Variants in TMEM245 observed in about 807,000 individuals in gnomAD.
TMEM245 encodes the protein protein CG-2.
TMEM245 carries 69 observed loss-of-function variants against 101.2 expected under a neutral mutation model. That is an observed-to-expected ratio of 0.68 (90% CI 0.56 to 0.83). The LOEUF is 0.83. Ranked by LOEUF, TMEM245 falls within the 40% of genes least tolerant of loss-of-function variation. The pLI is 0.00. For synonymous variants in TMEM245, 537 were observed against 449.8 expected, an observed-to-expected ratio of 1.19 and a Z score of -2.45; for missense variants, 1,075 against 1,092.8, an observed-to-expected ratio of 0.98 and a Z score of 0.23.
intron 1 of TMEM245, among the ~76,000 whole-genome samples, chr9:109,115,623 C>T (rs1193738057): frequency 2.0e-5 from 3 of 148,960 alleles, no homozygotes; most frequent in South Asian, 2.1e-4. Context: ...CTCTGCCTCC[C>T]GGTTTCAAGC....
intron 17 of TMEM245, among the ~76,000 whole-genome samples, chr9:109,030,627 G>C (rs1347141312): frequency 6.6e-6 from 1 of 152,150 alleles, no homozygotes; most frequent in Non-Finnish European, 1.5e-5. Context: ...GGCTTCTCAG[G>C]TATCTGAGCA....
intron 7 of TMEM245, among the ~76,000 whole-genome samples, chr9:109,084,951 C>A (rs1470873325): frequency 2.6e-5 from 4 of 152,156 alleles, no homozygotes; most frequent in African/African-American, 9.7e-5. Flanking sequence ...CCTAACCCAT[C>A]CAAAAGTCTC....
intron 9 of TMEM245, 35 bp from the exon 10 acceptor site, chr9:109,064,602 C>T: frequency 6.3e-7 from 1 of 1,579,600 alleles, no homozygotes; most frequent in Non-Finnish European, 8.7e-7. Flanking sequence ...GAAAAAAGTA[C>T]ACTTTCTGTG....
At chr9:109,102,810 G>T (rs1234926359) in intron 3 of TMEM245, among the ~76,000 whole-genome samples, 3 of 152,188 alleles carry the variant, frequency 2.0e-5, no homozygotes, top group African/African-American at 7.2e-5. Context: ...ATCTGCTCTT[G>T]GAGTTTATTA....
Position 109,031,049 on chromosome 9 carries a change from A to G in TMEM245, c.2594+2258T>C, listed in dbSNP as rs77663584. Among the ~76,000 whole-genome samples the G allele has an allele frequency of 5.3e-3, 809 of 152,356 alleles. 8 individuals are homozygous for G. The highest frequency in any genetic ancestry group is 0.019 in the African/African-American group (775 of 41,574). On this transcript the variant is annotated intron_variant, in intron 17 of 17. Coordinates refer to ENST00000374586, the MANE Select transcript of TMEM245 (RefSeq NM_032012.4). ...TTTCCAATTGCAGATAACAAGGAGA[A>G]TGCCATATAGTTTCCGGAAAGTTCA...
chr9:109,049,857 T>C (rs1828619142), intron 14 of TMEM245, among the ~76,000 whole-genome samples: 2 of 152,244 alleles, frequency 1.3e-5, no homozygotes, highest in Admixed American at 1.3e-4. Context: ...CGCAGTGGCG[T>C]GATCACAGCT....
chr9:109,037,769 T>C (rs1344042902), intron 15 of TMEM245, among the ~76,000 whole-genome samples: 1 of 152,240 alleles, frequency 6.6e-6, no homozygotes, highest in Admixed American at 6.5e-5. Context: ...TATTTCTTTA[T>C]AGCAGTGAGA....
chr9:109,109,226 C>T (rs1830506337), intron 1 of TMEM245, among the ~76,000 whole-genome samples: 1 of 152,182 alleles, frequency 6.6e-6, no homozygotes, highest in South Asian at 2.1e-4. Context: ...AGCCAGGATA[C>T]CCTCTTCAGT....
Position 109,057,327 on chromosome 9 carries a change from G to A in TMEM245, c.1723-5C>T. 6.2e-7 allele frequency: 1 copy of A among 1,611,744 alleles called. No individual in the cohort carries two copies. Among genetic ancestry groups the A allele is most frequent in the Non-Finnish European group, 8.5e-7 (1 of 1,178,882 alleles). Reference sequence around the variant, plus strand: ...CCTTCCAGAGTGTGTTACATTCTATGGAATAAAACAGTGCAGACATGAAAT... The same window carrying A: ...CCTTCCAGAGTGTGTTACATTCTATAGAATAAAACAGTGCAGACATGAAAT... On this transcript the variant is annotated splice_polypyrimidine_tract_variant and splice_region_variant and intron_variant, in intron 11 of 17. Coordinates refer to ENST00000374586, the MANE Select transcript of TMEM245 (RefSeq NM_032012.4).
chr9:109,087,040 T>G lies in TMEM245; in HGVS notation c.1320+133A>C, dbSNP rs1055760645. 7.7e-6 allele frequency: 6 copies of G among 777,156 alleles called. No individual in the cohort carries two copies. In the Admixed American group the frequency reaches 1.8e-4, roughly 23 times the overall value. 48.1% of individuals were successfully genotyped at this position (777,156 alleles called of 1,614,324 possible). A position where few individuals can be genotyped will look rare whatever the true frequency, so the allele number is the denominator to read the frequency against. On this transcript the variant is annotated intron_variant, in intron 6 of 17. Coordinates refer to ENST00000374586, the MANE Select transcript of TMEM245 (RefSeq NM_032012.4). ...TTGTGTAAACCATAATTTTAAACAT[T>G]AAACTTTCATCATAGAATTAGATAT...
intron 17 of TMEM245, among the ~76,000 whole-genome samples, chr9:109,030,697 G>A (rs1011744313): frequency 6.6e-6 from 1 of 152,072 alleles, no homozygotes; most frequent in African/African-American, 2.4e-5. Context: ...ACCAAATTGG[G>A]AAGGCCCTTG....
chr9:109,100,192 GACA>G (rs958867631), intron 3 of TMEM245, among the ~76,000 whole-genome samples: 1 of 152,164 alleles, frequency 6.6e-6, no homozygotes, highest in Non-Finnish European at 1.5e-5. Flanking sequence ...TGAAGGAGCT[GACA>G]ACTACAACTG....
chr9:109,095,242 G>A (rs1321252305), intron 3 of TMEM245, among the ~76,000 whole-genome samples: 1 of 152,164 alleles, frequency 6.6e-6, no homozygotes, highest in Non-Finnish European at 1.5e-5. Flanking sequence ...AGACAGAAAG[G>A]GCTGACAGAG....
intron 3 of TMEM245, 82 bp downstream of exon 3, chr9:109,106,426 C>A: frequency 1.3e-6 from 1 of 792,676 alleles, no homozygotes; most frequent in Non-Finnish European, 1.9e-6. Flanking sequence ...AGATTCAAAG[C>A]TGTTTCATCA....
intron 17 of TMEM245, among the ~76,000 whole-genome samples, chr9:109,026,249 G>A (rs939606847): frequency 5.9e-5 from 9 of 151,952 alleles, no homozygotes; most frequent in African/African-American, 2.2e-4. Flanking sequence ...TTGGGATGGG[G>A]GAGAGAGAAA....
At chr9:109,058,599 T>C (rs1828918261) in intron 11 of TMEM245, among the ~76,000 whole-genome samples, 1 of 152,100 alleles carries the variant, frequency 6.6e-6, no homozygotes, top group South Asian at 2.1e-4. Context: ...AGCATGATGG[T>C]AGGAATGTTG....
intron 17 of TMEM245, among the ~76,000 whole-genome samples, chr9:109,022,865 G>A (rs1394523543): frequency 2.0e-5 from 3 of 152,152 alleles, no homozygotes; most frequent in African/African-American, 4.8e-5. Flanking sequence ...GGGGTTCCCT[G>A]ACATCTTTTC....
At chr9:109,054,241 G>A (rs1334030619) in intron 12 of TMEM245, among the ~76,000 whole-genome samples, 3 of 152,092 alleles carry the variant, frequency 2.0e-5, no homozygotes, top group Admixed American at 2.0e-4. Flanking sequence ...AGAAGGAGGA[G>A]GATGAAGCAG....
chr9:109,082,184 T>C (rs1011900917), intron 7 of TMEM245, among the ~76,000 whole-genome samples: 4 of 152,196 alleles, frequency 2.6e-5, no homozygotes, highest in Non-Finnish European at 5.9e-5. Context: ...GCCCCCCTTA[T>C]CTGTTTTTCA....
Sources: gnomAD v4.1 joint callset for allele counts (sites outside exome capture counted in the v4.1 genomes callset) on GRCh38, gnomAD v4.1.1 for gene constraint, MANE v1.5 for transcripts, NCBI Gene and HGNC (gene_info 2026-07-23, HGNC 2026-07-21) for gene names.